The following DHTKD1 variants were observed in gnomAD, a reference collection of about 807,000 sequenced individuals.
The protein encoded by DHTKD1 is 2-oxoadipate dehydrogenase complex component E1.
DHTKD1 carries 78 observed loss-of-function variants against 101.8 expected under a neutral mutation model. The observed-to-expected ratio is 0.77, with a 90% confidence interval of 0.64 to 0.93. DHTKD1 has a LOEUF of 0.93. Among genes scored for constraint, DHTKD1 ranks in the 40% least tolerant of loss-of-function variants. The pLI, the probability that DHTKD1 is intolerant of heterozygous loss-of-function variation, is 0.00. For missense variants in DHTKD1, 1,223 were observed against 1,161.7 expected, an observed-to-expected ratio of 1.05 and a Z score of -0.77; for synonymous variants, 462 against 450.3, an observed-to-expected ratio of 1.03 and a Z score of -0.33.
rs1346890042 is a variant in DHTKD1, at chr10:12,121,102, C to T, written c.*214C>T. The T allele has an allele frequency of 4.7e-6, 2 of 425,768 alleles. No individual in the cohort carries two copies. Among genetic ancestry groups the T allele is most frequent in the South Asian group, 2.1e-5 (1 of 48,504 alleles). 26.4% of individuals were successfully genotyped at this position (425,768 alleles called of 1,614,324 possible). A position where few individuals can be genotyped will look rare whatever the true frequency, so the allele number is the denominator to read the frequency against. On this transcript the variant is annotated 3_prime_UTR_variant, in exon 17 of 17. Transcript: ENST00000263035. Reference sequence around the variant, plus strand: ...GGGTGTGGTGGTGGGCACCTGTGATCCCAGCTTCCTGGGAGGCTGAGGCAA... The same window carrying T: ...GGGTGTGGTGGTGGGCACCTGTGATTCCAGCTTCCTGGGAGGCTGAGGCAA...
In DHTKD1 at chr10:12,086,231, T is replaced by G. The variant is rs1051364127; in HGVS notation, c.523-1304T>G. ...TTTTTCTTTTGTTTTCTTTTCTTTT[T>G]TTTTTTTTTGAGATGGATTCTCCCT... is the stretch of plus-strand genomic sequence containing the variant. On this transcript the variant is annotated intron_variant, in intron 3 of 16. Coordinates refer to ENST00000263035, the MANE Select transcript of DHTKD1 (RefSeq NM_018706.7). Among the ~76,000 whole-genome samples the G allele has an allele frequency of 1.3e-5, 2 of 148,426 alleles. 1 individual carries two copies. The highest frequency in any genetic ancestry group is 4.9e-5 in the African/African-American group (2 of 40,672).
chr10:12,085,839 A>C (rs370277380), intron 3 of DHTKD1, among the ~76,000 whole-genome samples: 1 of 151,896 alleles, frequency 6.6e-6, no homozygotes, highest in Non-Finnish European at 1.5e-5. Flanking sequence ...GCGAGCCGAG[A>C]TCACACCACT....
chr10:12,074,684 T>C (rs1832700424), intron 1 of DHTKD1, among the ~76,000 whole-genome samples: 1 of 149,310 alleles, frequency 6.7e-6, no homozygotes, highest in Admixed American at 6.7e-5. Context: ...TGGAATGCAG[T>C]GGCCAAAATC....
chr10:12,079,678 T>TA (rs1198617462), intron 1 of DHTKD1, among the ~76,000 whole-genome samples: 2 of 151,308 alleles, frequency 1.3e-5, no homozygotes, highest in African/African-American at 4.9e-5. Context: ...AGAAAAAAAA[T>TA]AAAAAAATAA....
chr10:12,109,511 AG>A (rs2131621955), intron 12 of DHTKD1, among the ~76,000 whole-genome samples: 1 of 151,574 alleles, frequency 6.6e-6, no homozygotes, highest in South Asian at 2.1e-4. Context: ...TCATCGAAGC[AG>A]CGAGCACAGT....
At chr10:12,078,704 A>G (rs1343007262) in intron 1 of DHTKD1, among the ~76,000 whole-genome samples, 1 of 152,104 alleles carries the variant, frequency 6.6e-6, no homozygotes, top group African/African-American at 2.4e-5. Flanking sequence ...TTTTGAGACA[A>G]AGTCTTGCTG....
intron 6 of DHTKD1, 83 bp downstream of exon 6, chr10:12,091,767 G>A: frequency 9.0e-7 from 1 of 1,110,912 alleles, no homozygotes; most frequent in Non-Finnish European, 1.3e-6. Context: ...AGAACAATGA[G>A]CCTCACTGGT....
At chr10:12,078,685 T>G (rs9424145) in intron 1 of DHTKD1, among the ~76,000 whole-genome samples, 2 of 152,062 alleles carry the variant, frequency 1.3e-5, no homozygotes, top group African/African-American at 4.8e-5. Context: ...GATGTTTTCT[T>G]TTTTCTTTTT....
intron 1 of DHTKD1, 137 bp downstream of exon 1, chr10:12,069,324 G>T (rs2658192): frequency 1.4e-6 from 1 of 726,236 alleles, no homozygotes; most frequent in Non-Finnish European, 2.2e-6. Flanking sequence ...AGGGGGAGGT[G>T]AGGGGAGCAG....
chr10:12,077,893 G>T (rs1321614662), intron 1 of DHTKD1, among the ~76,000 whole-genome samples: 1 of 151,934 alleles, frequency 6.6e-6, no homozygotes, highest in Non-Finnish European at 1.5e-5. Context: ...GAGAGGGAAG[G>T]GGTTGGAGAT....
chr10:12,078,232 C>G (rs1482295446), intron 1 of DHTKD1, among the ~76,000 whole-genome samples: 1 of 151,960 alleles, frequency 6.6e-6, no homozygotes, highest in Non-Finnish European at 1.5e-5. Flanking sequence ...GGAGACCAGC[C>G]TGGCCAACAT....
intron 12 of DHTKD1, among the ~76,000 whole-genome samples, chr10:12,111,024 C>T (rs117739154): frequency 0.1 from 12,060 of 120,876 alleles, 608 homozygotes; most frequent in Non-Finnish European, 0.13. Flanking sequence ...CCAGCCTGGG[C>T]AAGAGAGCCA....
chr10:12,069,630 C>A (rs1156990265), intron 1 of DHTKD1, among the ~76,000 whole-genome samples: 1 of 142,094 alleles, frequency 7.0e-6, no homozygotes, highest in African/African-American at 2.6e-5. Flanking sequence ...TCAGGCTATC[C>A]TTCCACCTCA....
chr10:12,100,269 AT>A lies in DHTKD1; in HGVS notation c.1756+11del. 1 of 499,150 alleles carries A rather than the reference AT, an allele frequency of 2.0e-6. No individual in the cohort carries two copies. Among genetic ancestry groups the A allele is most frequent in the Non-Finnish European group, 3.0e-6 (1 of 334,470 alleles). 30.9% of individuals were successfully genotyped at this position (499,150 alleles called of 1,614,324 possible). A position where few individuals can be genotyped will look rare whatever the true frequency, so the allele number is the denominator to read the frequency against. ...GGTTCTTTACTTGCTCAAGGTAAGAATTTTCTTTTTTTTTTCTGTTTTTTTT... is the reference window on the plus strand; with the variant it reads ...GGTTCTTTACTTGCTCAAGGTAAGAATTTCTTTTTTTTTTCTGTTTTTTTT... On this transcript the variant is annotated splice_region_variant and intron_variant, in intron 9 of 16. Transcript: ENST00000263035.
At position 12,120,902 on chromosome 10, in the gene DHTKD1, A is replaced by G. The variant is rs1209687300; in HGVS notation, c.*14A>G. On this transcript the variant is annotated 3_prime_UTR_variant, in exon 17 of 17. Transcript: ENST00000263035. ...ACCTTCGCTTGATGATGACTTTTGA[A>G]GAAACACTATTTCTCTTTAAGAAAA... 1 of 1,611,984 alleles carries G rather than the reference A, an allele frequency of 6.2e-7. No individual in the cohort carries two copies. Among genetic ancestry groups the G allele is most frequent in the Non-Finnish European group, 8.5e-7 (1 of 1,178,522 alleles).
At chr10:12,114,048 T>C (rs200502306) in intron 13 of DHTKD1, among the ~76,000 whole-genome samples, 1 of 122,058 alleles carries the variant, frequency 8.2e-6, no homozygotes, top group Non-Finnish European at 1.8e-5. Flanking sequence ...TTTTTTTTTT[T>C]CTTTTTGAGA....
At chr10:12,109,971 A>G (rs1833302825) in intron 12 of DHTKD1, among the ~76,000 whole-genome samples, 1 of 152,044 alleles carries the variant, frequency 6.6e-6, no homozygotes, top group Admixed American at 6.6e-5. Context: ...ACCTGTGTCC[A>G]TGGACCACAT....
In DHTKD1 at chr10:12,110,770, T is replaced by TCCA. The variant is rs1339098813; in HGVS notation, c.2155-2130_2155-2129insCCA. Among the ~76,000 whole-genome samples, 2 of 152,184 alleles carry TCCA rather than the reference T, an allele frequency of 1.3e-5. No individual in the cohort carries two copies. Among genetic ancestry groups the TCCA allele is most frequent in the African/African-American group, 2.4e-5 (1 of 41,452 alleles). ...AGGGAGGAAAGTTGGCCTAGCATGG[T>TCCA]GGCTCACACCTGTAATCCCAGCACT... On this transcript the variant is annotated intron_variant, in intron 12 of 16. Coordinates refer to ENST00000263035, the MANE Select transcript of DHTKD1 (RefSeq NM_018706.7). The surrounding 1 kb of genome is among the most constrained non-coding windows in gnomAD (Gnocchi z 4.9).
chr10:12,100,515 G>A (rs763151506), intron 9 of DHTKD1, among the ~76,000 whole-genome samples: 2 of 151,620 alleles, frequency 1.3e-5, no homozygotes, highest in African/African-American at 4.8e-5. Context: ...CACCCGCCTC[G>A]GCCTCCCAAA....
Sources: gnomAD v4.1 joint callset for allele counts (sites outside exome capture counted in the v4.1 genomes callset) on GRCh38, gnomAD v4.1.1 for gene constraint, Gnocchi (gnomAD v3.1) non-coding constraint, MANE v1.5 for transcripts, NCBI Gene and HGNC (gene_info 2026-07-23, HGNC 2026-07-21) for gene names.